The following IKZF3 variants were observed in gnomAD, a reference collection of about 807,000 sequenced individuals.
The protein encoded by IKZF3 is IKAROS family zinc finger 3, also known as zinc finger protein Aiolos.
Under a neutral mutation model 49.0 loss-of-function variants are expected in IKZF3, and 10 were observed. That is an observed-to-expected ratio of 0.20 (90% CI 0.13 to 0.35). The LOEUF (loss-of-function observed/expected upper bound fraction) is 0.35, where lower values mean the gene tolerates loss of function less well. Among genes scored for constraint, IKZF3 ranks in the 10% least tolerant of loss-of-function variants. IKZF3 has a pLI of 1.00. For synonymous variants in IKZF3, 209 were observed against 228.2 expected, an observed-to-expected ratio of 0.92 and a Z score of 0.76; for missense variants, 498 against 664.8, an observed-to-expected ratio of 0.75 and a Z score of 2.76.
chr17:39,797,578 A>T (rs1459281989), intron 3 of IKZF3, among the ~76,000 whole-genome samples: 1 of 151,630 alleles, frequency 6.6e-6, no homozygotes, highest in Non-Finnish European at 1.5e-5. Context: ...ACGTGCCACC[A>T]CACCTGGCTA....
intron 1 of IKZF3, among the ~76,000 whole-genome samples, chr17:39,857,707 G>A (rs1018206058): frequency 1.3e-5 from 2 of 152,056 alleles, no homozygotes; most frequent in Non-Finnish European, 2.9e-5. Context: ...TATAAAAGCT[G>A]GGCAAGAAAA....
intron 6 of IKZF3, among the ~76,000 whole-genome samples, chr17:39,779,378 T>G (rs2060671367): frequency 1.3e-5 from 2 of 152,098 alleles, no homozygotes; most frequent in African/African-American, 4.8e-5. Context: ...GGAGAATCGC[T>G]TGAACCCAGG....
chr17:39,783,615 C>G (rs1168249099), intron 6 of IKZF3, among the ~76,000 whole-genome samples: 1 of 152,312 alleles, frequency 6.6e-6, no homozygotes, highest in Non-Finnish European at 1.5e-5. Flanking sequence ...CCACCGCGCC[C>G]GGCCAGTATT....
intron 3 of IKZF3, among the ~76,000 whole-genome samples, chr17:39,814,809 GA>G (rs1234727955): frequency 1.3e-5 from 2 of 152,132 alleles, no homozygotes; most frequent in African/African-American, 4.8e-5. Flanking sequence ...CTACCCTCCA[GA>G]ATAGTAAAAA....
chr17:39,833,362 A>G (rs887250510), intron 1 of IKZF3, among the ~76,000 whole-genome samples: 1 of 152,172 alleles, frequency 6.6e-6, no homozygotes, highest in Admixed American at 6.5e-5. Flanking sequence ...CTATCAAGAT[A>G]CAGAACATTA....
Position 39,791,408 on chromosome 17 carries a change from T to C in IKZF3, c.592+8A>G, listed in dbSNP as rs1370944341. On this transcript the variant is annotated splice_region_variant and intron_variant, in intron 5 of 7. Transcript: ENST00000346872. ...CCTAGACAAGGAATGCTCATTTCTC[T>C]CACTTACCAGAATGTGTCCTAAGAT... 6.2e-7 allele frequency: 1 copy of C among 1,613,592 alleles called. No individual in the cohort carries two copies. Among genetic ancestry groups the C allele is most frequent in the Non-Finnish European group, 8.5e-7 (1 of 1,179,640 alleles).
chr17:39,850,293 C>A (rs868583018), intron 1 of IKZF3, among the ~76,000 whole-genome samples: 47 of 133,274 alleles, frequency 3.5e-4, no homozygotes, highest in African/African-American at 1.2e-3. Context: ...ATAGTATATA[C>A]AATATATAGC....
chr17:39,793,900 G>T (rs1311407712), intron 3 of IKZF3, among the ~76,000 whole-genome samples: 1 of 152,244 alleles, frequency 6.6e-6, no homozygotes, highest in East Asian at 1.9e-4. Flanking sequence ...GCAAATTTAT[G>T]TACTTGCACT....
chr17:39,835,554 A>T, intron 1 of IKZF3: 1 of 433,868 alleles, frequency 2.3e-6, no homozygotes, highest in South Asian at 1.8e-5. Context: ...CTCATACTTG[A>T]TCTGGTGCAT....
intron 1 of IKZF3, among the ~76,000 whole-genome samples, chr17:39,850,958 ATAT>A (rs1396198214): frequency 7.1e-6 from 1 of 141,544 alleles, no homozygotes; most frequent in Non-Finnish European, 1.5e-5. Flanking sequence ...ATATACACGT[ATAT>A]TATATACGTG....
At chr17:39,786,745 C>T (rs931541682) in intron 6 of IKZF3, among the ~76,000 whole-genome samples, 9 of 152,192 alleles carry the variant, frequency 5.9e-5, no homozygotes, top group African/African-American at 2.2e-4. Flanking sequence ...AGGTGTGTAC[C>T]ACTGTGTATG....
At chr17:39,770,771 A>G (rs1251734500) in intron 7 of IKZF3, among the ~76,000 whole-genome samples, 1 of 150,060 alleles carries the variant, frequency 6.7e-6, no homozygotes, top group Non-Finnish European at 1.5e-5. Flanking sequence ...GATACTTTGC[A>G]TACTGTCTCA....
intron 6 of IKZF3, among the ~76,000 whole-genome samples, chr17:39,786,965 G>C (rs1032928504): frequency 3.3e-5 from 5 of 151,962 alleles, no homozygotes; most frequent in Admixed American, 2.6e-4. Flanking sequence ...TAAAATAAAA[G>C]TTTCCTCTCA....
At chr17:39,814,700 C>G (rs1046249713) in intron 3 of IKZF3, among the ~76,000 whole-genome samples, 1 of 152,052 alleles carries the variant, frequency 6.6e-6, no homozygotes, top group Non-Finnish European at 1.5e-5. Context: ...CCAAGGAACA[C>G]CAGGCATTGC....
At chr17:39,818,850 C>CA (rs1210691184) in intron 3 of IKZF3, among the ~76,000 whole-genome samples, 1 of 152,100 alleles carries the variant, frequency 6.6e-6, no homozygotes, top group Non-Finnish European at 1.5e-5. Context: ...AGAGCAACAA[C>CA]AAAAACAAAA....
At chr17:39,773,957 T>C (rs77925972) in intron 7 of IKZF3, among the ~76,000 whole-genome samples, 11,322 of 145,146 alleles carry the variant, frequency 0.078, 772 homozygotes, top group African/African-American at 0.19. Flanking sequence ...TTTTTTTTTT[T>C]CCCATTTGAA....
At chr17:39,803,891 T>A (rs1029390528) in intron 3 of IKZF3, among the ~76,000 whole-genome samples, 20 of 152,176 alleles carry the variant, frequency 1.3e-4, no homozygotes, top group African/African-American at 4.8e-4. Context: ...TCAAAAACTG[T>A]CATCCAAATA....
chr17:39,813,230 G>A (rs2061602710), intron 3 of IKZF3, among the ~76,000 whole-genome samples: 1 of 151,676 alleles, frequency 6.6e-6, no homozygotes, highest in Non-Finnish European at 1.5e-5. Flanking sequence ...GCAACTGTCT[G>A]TGGCTCTTTG....
intron 1 of IKZF3, among the ~76,000 whole-genome samples, chr17:39,851,308 C>T (rs1347212506): frequency 6.6e-6 from 1 of 151,900 alleles, no homozygotes; most frequent in Non-Finnish European, 1.5e-5. Flanking sequence ...GAATTACAGG[C>T]GTGAGCCAGC....
Sources: allele counts gnomAD v4.1 joint callset (sites outside exome capture counted in the v4.1 genomes callset), GRCh38; gene constraint gnomAD v4.1.1; transcripts MANE v1.5; gene names NCBI Gene and HGNC (gene_info 2026-07-23, HGNC 2026-07-21).